FCRL6: variants seen among roughly 807,000 people sequenced by gnomAD.
FCRL6 encodes Fc receptor like 6.
In FCRL6, 50 loss-of-function variants were observed where a neutral mutation model predicts 49.1. The observed-to-expected ratio is 1.02, with a 90% CI of 0.81 to 1.29. The LOEUF (loss-of-function observed/expected upper bound fraction) is 1.29. Ranked by LOEUF, FCRL6 falls within the 50% of genes most tolerant of loss-of-function variation. The pLI is 0.00. For synonymous variants in FCRL6, 213 were observed against 199.6 expected (o/e 1.07, Z -0.57); for missense variants, 571 against 518.5 (o/e 1.10, Z -0.98).
chr1:159,801,436 G>A (rs144537774), upstream of FCRL6, among the ~76,000 whole-genome samples: 7 of 152,288 alleles, frequency 4.6e-5, no homozygotes, highest in East Asian at 1.4e-3. Context: ...GCATGGGGAG[G>A]GTCACGGGCT....
At chr1:159,807,451 T>C (rs986538333) in intron 2 of FCRL6, among the ~76,000 whole-genome samples, 10 of 152,228 alleles carry the variant, frequency 6.6e-5, no homozygotes, top group Non-Finnish European at 1.5e-4. Context: ...CAGCCTGCCC[T>C]GCAGGTGATG....
intron 1 of FCRL6, 63 bp downstream of exon 1, chr1:159,802,518 C>T (rs1557869426): frequency 7.0e-7 from 1 of 1,433,284 alleles, no homozygotes; most frequent in African/African-American, 1.4e-5. Flanking sequence ...ATCCCTGAGA[C>T]ACCAAGTTCC....
chr1:159,802,240 A>G (rs1375636501), upstream of FCRL6: 3 of 572,582 alleles, frequency 5.2e-6, no homozygotes, highest in African/African-American at 5.6e-5. Flanking sequence ...TCTTCAACCA[A>G]AGAGGAAATA....
upstream of FCRL6, among the ~76,000 whole-genome samples, chr1:159,801,839 G>C (rs1186198757): frequency 6.6e-6 from 1 of 152,132 alleles, no homozygotes; most frequent in African/African-American, 2.4e-5. Flanking sequence ...CTCCATCTGT[G>C]TTCTACTCCA....
intron 5 of FCRL6, 24 bp from the exon 6 acceptor site, chr1:159,810,070 C>T (rs775459158): frequency 1.2e-6 from 2 of 1,604,522 alleles, no homozygotes; most frequent in Non-Finnish European, 1.7e-6. Flanking sequence ...GTGCTCATGG[C>T]CACCTTCTTC....
intron 2 of FCRL6, 117 bp from the exon 3 acceptor site, chr1:159,808,061 C>T (rs1384347594): frequency 1.2e-5 from 13 of 1,119,778 alleles, no homozygotes; most frequent in Non-Finnish European, 1.3e-5. Context: ...TGACACCATA[C>T]CAGTGCCATC....
intron 6 of FCRL6, among the ~76,000 whole-genome samples, chr1:159,810,924 A>C (rs12077947): frequency 0.052 from 7,937 of 152,258 alleles, 236 homozygotes; most frequent in East Asian, 0.093. Context: ...TTAGACTGGC[A>C]CATAGTGGGT....
intron 6 of FCRL6, among the ~76,000 whole-genome samples, chr1:159,812,114 G>T (rs1490732387): frequency 6.6e-6 from 1 of 152,210 alleles, no homozygotes; most frequent in South Asian, 2.1e-4. Flanking sequence ...CCTTGGAGCA[G>T]GTGGGCTTCA....
chr1:159,807,743 C>G, intron 2 of FCRL6, among the ~76,000 whole-genome samples: 1 of 152,060 alleles, frequency 6.6e-6, no homozygotes, highest in Non-Finnish European at 1.5e-5. Context: ...ATTAGGTAGC[C>G]ACAGGAGGAG....
upstream of FCRL6, among the ~76,000 whole-genome samples, chr1:159,801,227 T>C (rs1210329945): frequency 6.6e-6 from 1 of 152,222 alleles, no homozygotes; most frequent in African/African-American, 2.4e-5. Flanking sequence ...CTTGTATATG[T>C]TTTTTCAGGC....
At position 159,809,170 on chromosome 1, in the gene FCRL6, C is replaced by A; in HGVS notation, c.529C>A (p.Leu177Ile). 1 of 1,612,900 alleles carries A rather than the reference C, an allele frequency of 6.2e-7. No individual in the cohort carries two copies. The highest frequency in any genetic ancestry group is 1.7e-5 in the Admixed American group (1 of 59,928). ...GGGAGCCAAGGAGGGAGACTCTGGGCTTTACTGGTGTGAGGTGGCCCCTGA... is the reference window on the plus strand; with the variant it reads ...GGGAGCCAAGGAGGGAGACTCTGGGATTTACTGGTGTGAGGTGGCCCCTGA... Reference protein sequence around the residue: ...IPGAKEGDSGLYWCEVAPEGG... With the variant: ...IPGAKEGDSGIYWCEVAPEGG... Residue 177 changes from leucine to isoleucine, a missense_variant, in exon 4 of 10, where the codon CTT (leucine) becomes ATT (isoleucine). By Grantham distance (5) the Leu-to-Ile change is conservative (BLOSUM62 2). Transcript: ENST00000368106.
intron 1 of FCRL6, among the ~76,000 whole-genome samples, chr1:159,804,674 A>C (rs1168311443): frequency 6.6e-6 from 1 of 152,232 alleles, no homozygotes; most frequent in Non-Finnish European, 1.5e-5. Context: ...AAGATCTTGC[A>C]GTACCATGGG....
At chr1:159,815,379 C>T in intron 8 of FCRL6, 49 bp from the exon 9 acceptor site, 1 of 1,592,064 alleles carries the variant, frequency 6.3e-7, no homozygotes, top group African/African-American at 1.3e-5. Flanking sequence ...AGGAGATGTA[C>T]TTGCTGTGGA....
At chr1:159,811,388 T>A (rs1040269378) in intron 6 of FCRL6, among the ~76,000 whole-genome samples, 1 of 152,228 alleles carries the variant, frequency 6.6e-6, no homozygotes, top group African/African-American at 2.4e-5. Flanking sequence ...ATTGTTCTCA[T>A]AGACCTCCAA....
rs201163965 is a variant in FCRL6 at position 159,814,306 on chromosome 1, G to A, written c.1147+14G>A. On this transcript the variant is annotated intron_variant, in intron 8 of 9. Transcript: ENST00000368106. Reference sequence around the variant, plus strand: ...AGAGGAGTGAAGGTGAGTGATCTCAGGCCAAACTTGGTACCTTTGCAAACA... The same window carrying A: ...AGAGGAGTGAAGGTGAGTGATCTCAAGCCAAACTTGGTACCTTTGCAAACA... The A allele has an allele frequency of 2.5e-6, 4 of 1,610,590 alleles. No individual in the cohort carries two copies. Among genetic ancestry groups the A allele is most frequent in the African/African-American group, 2.7e-5 (2 of 74,966 alleles).
Position 159,815,545 on chromosome 1 carries a change from A to G in FCRL6, c.1189A>G (p.Ile397Val), listed in dbSNP as rs773883936. Residue 397 changes from isoleucine (I) to valine (V), a missense_variant, in exon 10 of 10, where the codon ATC becomes GTC. Transcript: ENST00000368106. ...GCCAACTCTTCCACAGGACAGTTCT[A>G]TCATCTGTGCGGAGGTGAGATGCCT... The part of the protein sequence containing the change: ...EFTVGRKDSS[I>V]ICAEVRCLQP... The G allele has an allele frequency of 3.7e-6, 6 of 1,614,208 alleles. No individual in the cohort carries two copies. The highest frequency in any genetic ancestry group is 5.1e-6 in the Non-Finnish European group (6 of 1,180,026).
chr1:159,808,715 C>T (rs1662877785), intron 3 of FCRL6: 1 of 608,210 alleles, frequency 1.6e-6, no homozygotes, highest in Non-Finnish European at 2.9e-6. Flanking sequence ...CCCTTCCCCT[C>T]TATGGACTAG....
chr1:159,815,037 A>C (rs1663312403), intron 8 of FCRL6, among the ~76,000 whole-genome samples: 2 of 152,216 alleles, frequency 1.3e-5, no homozygotes, highest in Non-Finnish European at 2.9e-5. Flanking sequence ...GTCTACATGT[A>C]ATAGATGTTC....
chr1:159,815,488 C>G, intron 9 of FCRL6, 29 bp downstream of exon 9: 1 of 1,614,138 alleles, frequency 6.2e-7, no homozygotes, highest in Non-Finnish European at 8.5e-7. Flanking sequence ...TCCTTTCTCA[C>G]CCTCTCTCTT....
Sources: allele counts gnomAD v4.1 joint callset (sites outside exome capture counted in the v4.1 genomes callset), GRCh38; gene constraint gnomAD v4.1.1; transcripts MANE v1.5; gene names NCBI Gene and HGNC (gene_info 2026-07-23, HGNC 2026-07-21).